Variants in TMEFF2 observed in about 807,000 individuals in gnomAD.
TMEFF2 encodes tomoregulin-2.
A neutral mutation model predicts 53.8 loss-of-function variants in TMEFF2; 28 were observed. The observed-to-expected ratio is 0.52, with a 90% confidence interval of 0.39 to 0.71. The LOEUF (loss-of-function observed/expected upper bound fraction) is 0.71. Ranked by LOEUF, TMEFF2 falls within the 30% of genes least tolerant of loss-of-function variation. The pLI, the probability that TMEFF2 is intolerant of heterozygous loss-of-function variation, is 0.00. For synonymous variants in TMEFF2, 162 were observed against 166.3 expected (o/e 0.97, Z 0.20); for missense variants, 353 against 455.2 (o/e 0.78, Z 2.04).
rs1691548437 is a variant in TMEFF2 at position 192,194,310 on chromosome 2, T to G, written c.172+43A>C. 6.2e-7 allele frequency: 1 copy of G among 1,607,992 alleles called. No homozygotes were observed. Among genetic ancestry groups the G allele is most frequent in the African/African-American group, 1.3e-5 (1 of 74,862 alleles). On this transcript the variant is annotated intron_variant, in intron 1 of 9. Transcript: ENST00000272771. The surrounding 1 kb of genome is among the most constrained non-coding windows in gnomAD (Gnocchi z 4.2). The stretch of plus-strand genomic sequence containing the variant: ...TGGTCTGTGCTGGATACGCGTGTTC[T>G]TCTGCGGAGTTAAAGGGTCGGGGAC...
chr2:192,105,003 A>T (rs1036044624), intron 4 of TMEFF2, among the ~76,000 whole-genome samples: 5 of 152,018 alleles, frequency 3.3e-5, no homozygotes, highest in African/African-American at 1.2e-4. Context: ...AATGTCGGGA[A>T]GAGATTTGAC....
At chr2:192,062,582 T>G (rs746834336) in intron 4 of TMEFF2, among the ~76,000 whole-genome samples, 66 of 152,152 alleles carry the variant, frequency 4.3e-4, no homozygotes, top group Non-Finnish European at 7.8e-4. Context: ...GGTGGTGGTT[T>G]TTAAATTCTC....
At chr2:192,157,286 T>C (rs901775008) in intron 4 of TMEFF2, among the ~76,000 whole-genome samples, 2 of 152,110 alleles carry the variant, frequency 1.3e-5, no homozygotes, top group African/African-American at 4.8e-5. Flanking sequence ...ATATTGATTT[T>C]GTCTCTTAGT....
At chr2:192,095,345 TAC>T (rs1175270562) in intron 4 of TMEFF2, among the ~76,000 whole-genome samples, 1 of 152,108 alleles carries the variant, frequency 6.6e-6, no homozygotes, top group East Asian at 1.9e-4. Context: ...ATTAAAATTA[TAC>T]AGTTATGTTG....
At position 192,149,204 on chromosome 2, in the gene TMEFF2, G is replaced by A. The variant is rs184500768; in HGVS notation, c.439+30464C>T. On this transcript the variant is annotated intron_variant, in intron 4 of 9. Transcript: ENST00000272771. ...AGGGCCTCAAGAGGAAGGGAGCTGC[G>A]TCCCTCAGAATGACGTTCAGTGAAA... Among the ~76,000 whole-genome samples, 8 of 152,056 alleles carry A rather than the reference G, an allele frequency of 5.3e-5. No homozygotes were observed. In the East Asian group the frequency reaches 5.8e-4, roughly 11 times the overall value.
chr2:191,975,473 A>G (rs1402457582), intron 7 of TMEFF2, among the ~76,000 whole-genome samples: 1 of 151,184 alleles, frequency 6.6e-6, no homozygotes. Flanking sequence ...ACTATTTTGG[A>G]AAATAGTTTC....
intron 5 of TMEFF2, among the ~76,000 whole-genome samples, chr2:192,041,518 A>C (rs957466198): frequency 5.9e-5 from 9 of 152,194 alleles, no homozygotes; most frequent in Non-Finnish European, 1.2e-4. Context: ...TGCTGGTGGA[A>C]TATAAGTGTT....
At chr2:192,083,485 G>A (rs1688600972) in intron 4 of TMEFF2, among the ~76,000 whole-genome samples, 1 of 152,070 alleles carries the variant, frequency 6.6e-6, no homozygotes, top group Admixed American at 6.6e-5. Context: ...TGTTGATCAA[G>A]AAAAATGTCC....
rs181731169 is a variant in TMEFF2, at chr2:191,953,563, A to G, written c.1028+116T>C. 3.5e-6 allele frequency: 4 copies of G among 1,145,230 alleles called. No homozygotes were observed. The East Asian group carries it at 9.7e-5, about 28-fold the overall frequency. 70.9% of individuals were successfully genotyped at this position (1,145,230 alleles called of 1,614,324 possible). Reference sequence around the variant, plus strand: ...CTCTTATGCTAAGGACATAGGACTCATAGAGAATGGATGGCTGCAGAGTCC... The same window carrying G: ...CTCTTATGCTAAGGACATAGGACTCGTAGAGAATGGATGGCTGCAGAGTCC... On this transcript the variant is annotated intron_variant, in intron 9 of 9. Transcript: ENST00000272771.
chr2:192,010,702 A>G (rs1447286132), intron 5 of TMEFF2, among the ~76,000 whole-genome samples: 5 of 152,228 alleles, frequency 3.3e-5, no homozygotes, highest in Non-Finnish European at 7.3e-5. Flanking sequence ...GAAGGAGGAA[A>G]ACAAATATTC....
intron 2 of TMEFF2, among the ~76,000 whole-genome samples, chr2:192,184,949 T>C (rs111496273): frequency 0.041 from 6,290 of 152,184 alleles, 166 homozygotes; most frequent in Non-Finnish European, 0.061. Context: ...GTTGTTTTTT[T>C]AATTGAATTT....
chr2:192,050,546 G>C (rs1379394828), intron 5 of TMEFF2, among the ~76,000 whole-genome samples: 2 of 152,022 alleles, frequency 1.3e-5, no homozygotes, highest in African/African-American at 4.8e-5. Flanking sequence ...TTGCATATTA[G>C]AAGTGTCATT....
chr2:192,132,871 C>G (rs895092962), intron 4 of TMEFF2, among the ~76,000 whole-genome samples: 1 of 152,176 alleles, frequency 6.6e-6, no homozygotes, highest in Non-Finnish European at 1.5e-5. Context: ...GACTCCTTCT[C>G]GGCTTAGTGG....
chr2:192,121,308 G>T (rs986300838), intron 4 of TMEFF2, among the ~76,000 whole-genome samples: 2 of 152,124 alleles, frequency 1.3e-5, no homozygotes, highest in African/African-American at 4.8e-5. Context: ...TCTGGTCTCG[G>T]TCATAACAAC....
intron 7 of TMEFF2, among the ~76,000 whole-genome samples, chr2:191,968,997 T>A (rs1329802830): frequency 6.6e-6 from 1 of 152,126 alleles, no homozygotes; most frequent in East Asian, 1.9e-4. Context: ...ACACACCTGT[T>A]ACCTATTCAG....
At position 192,122,759 on chromosome 2, in the gene TMEFF2, A is replaced by C. The variant is rs10192103; in HGVS notation, c.439+56909T>G. Among the ~76,000 whole-genome samples the C allele has an allele frequency of 4.7e-3, 715 of 152,272 alleles. 7 individuals carry two copies. Among genetic ancestry groups the C allele is most frequent in the African/African-American group, 0.017 (695 of 41,554 alleles). On this transcript the variant is annotated intron_variant, in intron 4 of 9. Coordinates refer to ENST00000272771, the MANE Select transcript of TMEFF2 (RefSeq NM_016192.4). ...CATATAAATAAAATACCCTGTAATC[A>C]ATGCCTTTAAAATACTATCAGGCAC...
intron 9 of TMEFF2, 44 bp from the exon 10 acceptor site, chr2:191,950,451 C>T: frequency 6.2e-7 from 1 of 1,613,542 alleles, no homozygotes; most frequent in Non-Finnish European, 8.5e-7. Context: ...AATGCTATTA[C>T]CTAAAGTTTG....
At chr2:192,049,906 C>T in intron 5 of TMEFF2, among the ~76,000 whole-genome samples, 1 of 152,074 alleles carries the variant, frequency 6.6e-6, no homozygotes, top group East Asian at 1.9e-4. Context: ...GAGGCTGAGG[C>T]AGGGGAATGG....
intron 4 of TMEFF2, among the ~76,000 whole-genome samples, chr2:192,067,079 C>T (rs1162827205): frequency 1.3e-5 from 2 of 151,756 alleles, no homozygotes; most frequent in African/African-American, 2.4e-5. Context: ...GCAAATGTAG[C>T]CAATACTTTT....
Sources: allele counts gnomAD v4.1 joint callset (sites outside exome capture counted in the v4.1 genomes callset), GRCh38; gene constraint gnomAD v4.1.1; non-coding constraint Gnocchi (gnomAD v3.1); transcripts MANE v1.5; gene names NCBI Gene and HGNC (gene_info 2026-07-23, HGNC 2026-07-21).